The following FRMD3 variants were observed in gnomAD, a reference collection of about 807,000 sequenced individuals.
The protein encoded by FRMD3 is FERM domain-containing protein 3.
In FRMD3, 33 loss-of-function variants were observed where a neutral mutation model predicts 70.2. That is an observed-to-expected ratio of 0.47 (90% CI 0.36 to 0.63). The LOEUF (loss-of-function observed/expected upper bound fraction) is 0.63. Among genes scored for constraint, FRMD3 ranks in the 20% least tolerant of loss-of-function variants. FRMD3 has a pLI of 0.00. For synonymous variants in FRMD3, 279 were observed against 255.9 expected (o/e 1.09, Z -0.86); for missense variants, 632 against 711.4 (o/e 0.89, Z 1.27).
intron 13 of FRMD3, among the ~76,000 whole-genome samples, chr9:83,284,211 T>C (rs975033015): frequency 2.6e-5 from 4 of 151,870 alleles, no homozygotes; most frequent in Admixed American, 2.6e-4. Context: ...AGAACTGGGG[T>C]TGGTCATCAC....
chr9:83,259,829 G>A (rs535907937), intron 13 of FRMD3, among the ~76,000 whole-genome samples: 1 of 152,068 alleles, frequency 6.6e-6, no homozygotes, highest in African/African-American at 2.4e-5. Flanking sequence ...TGATCATCTT[G>A]GCAATACTTG....
At chr9:83,406,702 T>C (rs1321191914) in intron 1 of FRMD3, among the ~76,000 whole-genome samples, 1 of 152,216 alleles carries the variant, frequency 6.6e-6, no homozygotes, top group African/African-American at 2.4e-5. Flanking sequence ...GCAATTGACA[T>C]GTTGTCAACG....
intron 2 of FRMD3, among the ~76,000 whole-genome samples, chr9:83,386,453 G>T (rs72745018): frequency 6.6e-6 from 1 of 152,068 alleles, no homozygotes; most frequent in African/African-American, 2.4e-5. Context: ...TAAAAGTTAC[G>T]TTAAATAGAG....
intron 5 of FRMD3, among the ~76,000 whole-genome samples, chr9:83,342,257 C>T (rs915112617): frequency 8.5e-5 from 13 of 152,186 alleles, no homozygotes; most frequent in Non-Finnish European, 1.6e-4. Flanking sequence ...TGGAGGCCTC[C>T]TTCCCTCAAA....
intron 13 of FRMD3, chr9:83,267,101 CT>C: frequency 6.4e-7 from 1 of 1,550,760 alleles, no homozygotes; most frequent in South Asian, 1.2e-5. Flanking sequence ...CAATTGGAGG[CT>C]TCGTCGAGTC....
chr9:83,299,042 A>G (rs1453782130), intron 11 of FRMD3, 70 bp downstream of exon 11: 1 of 1,190,304 alleles, frequency 8.4e-7, no homozygotes, highest in African/African-American at 1.5e-5. Flanking sequence ...CTTATTTGCA[A>G]GCAGAATTTT....
chr9:83,577,925 CTCTT>C, the FRMD3 span, among the ~76,000 whole-genome samples: 1 of 151,342 alleles, frequency 6.6e-6, no homozygotes, highest in Non-Finnish European at 1.5e-5. Flanking sequence ...AATTGACAAA[CTCTT>C]AGGCTAACTA....
intron 5 of FRMD3, among the ~76,000 whole-genome samples, chr9:83,341,427 C>G (rs1465580045): frequency 6.6e-6 from 1 of 152,012 alleles, no homozygotes; most frequent in East Asian, 1.9e-4. Flanking sequence ...TTGAGCATGT[C>G]CTTGGAGAAT....
At chr9:83,465,640 T>A (rs1042312818) in intron 1 of FRMD3, among the ~76,000 whole-genome samples, 1 of 152,036 alleles carries the variant, frequency 6.6e-6, no homozygotes, top group Admixed American at 6.6e-5. Flanking sequence ...TGCACATAAC[T>A]CACAGAAATA....
intron 1 of FRMD3, among the ~76,000 whole-genome samples, chr9:83,475,522 A>G (rs4425838): frequency 0.13 from 19,123 of 152,106 alleles, 1,740 homozygotes; most frequent in African/African-American, 0.26. Context: ...AAGGGAACTC[A>G]TATGTATTGA....
intron 1 of FRMD3, among the ~76,000 whole-genome samples, chr9:83,401,791 A>T (rs1486229080): frequency 1.3e-5 from 2 of 152,216 alleles, no homozygotes; most frequent in African/African-American, 4.8e-5. Context: ...GGCCAAAATA[A>T]GATACATATC....
intron 13 of FRMD3, chr9:83,276,248 T>C (rs1833788832): frequency 6.6e-6 from 1 of 152,220 alleles, no homozygotes; most frequent in Non-Finnish European, 1.5e-5. Flanking sequence ...GGTTCCTGTG[T>C]AATACTCTCA....
rs769105729 is a variant in FRMD3, at chr9:83,248,331, C to A, written c.1381G>T (p.Asp461Tyr). ...CAGTCAAAGAGCATGTCAATCTCATCGTCATCCACAGGGGTGGGGAGCAGG... is the reference window on the plus strand; with the variant it reads ...CAGTCAAAGAGCATGTCAATCTCATAGTCATCCACAGGGGTGGGGAGCAGG... ...ASLLPTPVDD[D>Y]EIDMLFDCPS... is the part of the protein sequence containing the mutation. Residue 461 changes from aspartate to tyrosine, a missense_variant, in exon 14 of 14, where the codon GAT (aspartate) becomes TAT (tyrosine). Asp to Tyr is a radical substitution (Grantham distance 160). Transcript: ENST00000304195. 1.2e-6 allele frequency: 2 copies of A among 1,614,166 alleles called. No individual in the cohort carries two copies. The highest frequency in any genetic ancestry group is 2.2e-5 in the South Asian group (2 of 91,074).
chr9:83,516,921 C>T (rs887034808), intron 1 of FRMD3, among the ~76,000 whole-genome samples: 8 of 151,896 alleles, frequency 5.3e-5, no homozygotes, highest in Admixed American at 5.2e-4. Flanking sequence ...TATTTGAAAC[C>T]AATGAGAACA....
At chr9:83,570,442 T>C in the FRMD3 span, among the ~76,000 whole-genome samples, 8 of 152,206 alleles carry the variant, frequency 5.3e-5, no homozygotes, top group East Asian at 5.8e-4. Context: ...TTAATCTGCA[T>C]TGGTTTTCTA....
chr9:83,274,289 G>T (rs1164637692), intron 13 of FRMD3, among the ~76,000 whole-genome samples: 2 of 152,166 alleles, frequency 1.3e-5, no homozygotes, highest in Admixed American at 1.3e-4. Context: ...AGAAGAGTCA[G>T]CTAGATTGAG....
chr9:83,332,106 T>C, intron 6 of FRMD3: 1 of 561,334 alleles, frequency 1.8e-6, no homozygotes, highest in Admixed American at 3.3e-5. Context: ...TTTCTTGCTC[T>C]AAGCCACTGA....
chr9:83,325,066 A>T (rs1835958685), intron 6 of FRMD3, among the ~76,000 whole-genome samples: 1 of 152,196 alleles, frequency 6.6e-6, no homozygotes, highest in Non-Finnish European at 1.5e-5. Flanking sequence ...CACAGAAACA[A>T]AGTCAAATAC....
intron 1 of FRMD3, among the ~76,000 whole-genome samples, chr9:83,508,028 T>C (rs189482159): frequency 3.3e-5 from 5 of 152,154 alleles, no homozygotes; most frequent in African/African-American, 4.8e-5. Context: ...CTATATGCAG[T>C]CTGGTGCCTG....
Sources: gnomAD v4.1 joint callset for allele counts (sites outside exome capture counted in the v4.1 genomes callset) on GRCh38, gnomAD v4.1.1 for gene constraint, MANE v1.5 for transcripts, NCBI Gene and HGNC (gene_info 2026-07-23, HGNC 2026-07-21) for gene names.